The following NDUFS4 variants were observed in gnomAD, a reference collection of about 807,000 sequenced individuals.
The protein encoded by NDUFS4 is NADH dehydrogenase [ubiquinone] iron-sulfur protein 4, mitochondrial.
In NDUFS4, 28 loss-of-function variants were observed where a neutral mutation model predicts 24.3. That is an observed-to-expected ratio of 1.15 (90% CI 0.85 to 1.58). The LOEUF (loss-of-function observed/expected upper bound fraction) is 1.58. NDUFS4 is among the 40% of genes most tolerant of loss of function. The probability of loss-of-function intolerance (pLI) is 0.00; values close to 1 mark genes in which losing one functional copy is unlikely to be tolerated. For synonymous variants in NDUFS4, 93 were observed against 69.7 expected (o/e 1.34, Z -1.67); for missense variants, 223 against 207.9 (o/e 1.07, Z -0.45).
intron 4 of NDUFS4, among the ~76,000 whole-genome samples, chr5:53,670,471 G>A (rs1752633339): frequency 6.6e-6 from 1 of 151,814 alleles, no homozygotes; most frequent in African/African-American, 2.4e-5. Context: ...TACATGAAGT[G>A]ATAACCTAGA....
chr5:53,622,864 A>G (rs1052851121), intron 2 of NDUFS4, among the ~76,000 whole-genome samples: 8 of 152,166 alleles, frequency 5.3e-5, no homozygotes, highest in Admixed American at 1.3e-4. Context: ...GAAACTCTGT[A>G]CCCATTAAAT....
chr5:53,588,645 T>A (rs1749845949), intron 1 of NDUFS4, among the ~76,000 whole-genome samples: 1 of 152,212 alleles, frequency 6.6e-6, no homozygotes, highest in Non-Finnish European at 1.5e-5. Flanking sequence ...TTATTCTTAA[T>A]GATGTGATCA....
Position 53,633,375 on chromosome 5 carries a change from T to C in NDUFS4, c.178-12858T>C, listed in dbSNP as rs563357552. On this transcript the variant is annotated intron_variant, in intron 2 of 4. Coordinates refer to ENST00000296684, the MANE Select transcript of NDUFS4 (RefSeq NM_002495.4). ...TAAGTTGTAAAACCTAGGAAGGATT[T>C]TTTGACCTTTCCCTGACCATACAAC... Among the ~76,000 whole-genome samples the C allele has an allele frequency of 5.9e-5, 9 of 152,290 alleles. No homozygotes were observed. In the South Asian group the frequency reaches 8.3e-4, roughly 14 times the overall value.
intron 2 of NDUFS4, among the ~76,000 whole-genome samples, chr5:53,629,173 ATGTAGTTT>A (rs1009409985): frequency 6.6e-6 from 1 of 152,162 alleles, no homozygotes; most frequent in Admixed American, 6.5e-5. Flanking sequence ...TTCAGTTTCC[ATGTAGTTT>A]TGTAGTTTTG....
In NDUFS4 at chr5:53,683,289, A is replaced by ATAATAAATACATCTCTTAATCTCC; in HGVS notation, c.*77_*100dup. On this transcript the variant is annotated 3_prime_UTR_variant, in exon 5 of 5. Transcript: ENST00000296684. ...GCTGTGCAGTATTTATAGTCCATGT[A>ATAATAAATACATCTCTTAATCTCC]TAATAAATACATCTCTTAATCTCCT... 1 of 1,087,240 alleles carries ATAATAAATACATCTCTTAATCTCC rather than the reference A, an allele frequency of 9.2e-7. No homozygotes were observed. The highest frequency in any genetic ancestry group is 1.7e-5 in the Admixed American group (1 of 58,442). The allele number at this position is 1,087,240 out of a possible 1,614,324, so 67.3% of individuals were successfully genotyped here.
chr5:53,668,122 T>A (rs1377467675), intron 4 of NDUFS4, among the ~76,000 whole-genome samples: 1 of 152,244 alleles, frequency 6.6e-6, no homozygotes, highest in Non-Finnish European at 1.5e-5. Context: ...ACACAAAAGA[T>A]GATTTATGTA....
chr5:53,649,254 A>C (rs139995404), intron 3 of NDUFS4, among the ~76,000 whole-genome samples: 1 of 152,100 alleles, frequency 6.6e-6, no homozygotes, highest in African/African-American at 2.4e-5. Context: ...GGTTTGTTAC[A>C]TGAATATATT....
At chr5:53,582,210 CAAAATAAAAT>C (rs374195906) in intron 1 of NDUFS4, among the ~76,000 whole-genome samples, 2 of 117,742 alleles carry the variant, frequency 1.7e-5, no homozygotes, top group East Asian at 2.7e-4. Flanking sequence ...GACTCTGTCT[CAAAATAAAAT>C]AAAATAAAAT....
At chr5:53,591,253 C>T (rs1396491527) in intron 1 of NDUFS4, among the ~76,000 whole-genome samples, 2 of 152,122 alleles carry the variant, frequency 1.3e-5, no homozygotes, top group African/African-American at 4.8e-5. Flanking sequence ...GTACAGATAT[C>T]TGTTCTAGTC....
At chr5:53,618,132 G>T (rs1174545185) in intron 2 of NDUFS4, among the ~76,000 whole-genome samples, 1 of 152,010 alleles carries the variant, frequency 6.6e-6, no homozygotes, top group Non-Finnish European at 1.5e-5. Context: ...ATTAGCCGAG[G>T]GTAGTGGCGC....
At position 53,651,778 on chromosome 5, in the gene NDUFS4, T is replaced by C. The variant is rs1407051225; in HGVS notation, c.350+5373T>C. Among the ~76,000 whole-genome samples, 99 of 148,744 alleles carry C rather than the reference T, an allele frequency of 6.7e-4. 1 individual carries two copies. The highest frequency in any genetic ancestry group is 2.4e-3 in the African/African-American group (97 of 40,824). ...GATCTTGGGCTTAACTTTATTCTTT[T>C]TTTTTTTTTTTTTGAGATGGAGTCT... On this transcript the variant is annotated intron_variant, in intron 3 of 4. Transcript: ENST00000296684.
chr5:53,567,528 T>A (rs1749071969), intron 1 of NDUFS4, among the ~76,000 whole-genome samples: 1 of 152,192 alleles, frequency 6.6e-6, no homozygotes, highest in Admixed American at 6.5e-5. Flanking sequence ...TTTTTTACGC[T>A]CTTAAAAAAT....
At chr5:53,605,915 G>A (rs557768843) in intron 2 of NDUFS4, among the ~76,000 whole-genome samples, 2 of 151,988 alleles carry the variant, frequency 1.3e-5, no homozygotes, top group East Asian at 3.9e-4. Flanking sequence ...TGAGGAGGCT[G>A]AGGCAGGAGA....
At chr5:53,636,981 C>A (rs573097337) in intron 2 of NDUFS4, among the ~76,000 whole-genome samples, 1 of 152,284 alleles carries the variant, frequency 6.6e-6, no homozygotes, top group African/African-American at 2.4e-5. Context: ...TTATAAAATA[C>A]CCAGTTTCAG....
chr5:53,581,120 A>G (rs914347177), intron 1 of NDUFS4, among the ~76,000 whole-genome samples: 1 of 152,174 alleles, frequency 6.6e-6, no homozygotes, highest in Non-Finnish European at 1.5e-5. Context: ...GGCGTGAGCT[A>G]CTGTGCCTGG....
chr5:53,587,043 C>T (rs1460118875), intron 1 of NDUFS4, among the ~76,000 whole-genome samples: 4 of 152,068 alleles, frequency 2.6e-5, no homozygotes, highest in South Asian at 2.1e-4. Flanking sequence ...AGGCTGGTTT[C>T]GAACTTCTTA....
intron 1 of NDUFS4, among the ~76,000 whole-genome samples, chr5:53,597,902 A>G (rs1185513817): frequency 6.6e-6 from 1 of 152,222 alleles, no homozygotes; most frequent in Non-Finnish European, 1.5e-5. Context: ...TTAAAATTCA[A>G]CAATAAGAAA....
Position 53,646,403 on chromosome 5 carries a change from A to C in NDUFS4, c.348A>C (p.Ser116=). 6.2e-7 allele frequency: 1 copy of C among 1,613,372 alleles called. No individual in the cohort carries two copies. The change falls in exon 3 of 5, where the codon TCA becomes TCC. Residue 116 remains serine, a splice_region_variant and synonymous_variant. Transcript: ENST00000296684. ...AAAATCCTTTGATGGGTTGGGCATC[A>C]ACGTGAGTACTTTATTTTAATGTGA... ...RWENPLMGWA[S]TADPLSNMVL...
chr5:53,615,809 C>T (rs1201031838), intron 2 of NDUFS4, among the ~76,000 whole-genome samples: 1 of 152,062 alleles, frequency 6.6e-6, no homozygotes, highest in African/African-American at 2.4e-5. Flanking sequence ...CTCTAAACAA[C>T]ATATAGGATA....
Sources: gnomAD v4.1 joint callset for allele counts (sites outside exome capture counted in the v4.1 genomes callset) on GRCh38, gnomAD v4.1.1 for gene constraint, MANE v1.5 for transcripts, NCBI Gene and HGNC (gene_info 2026-07-23, HGNC 2026-07-21) for gene names.